Variants in LRRC4C observed in about 807,000 individuals in gnomAD.
LRRC4C encodes the protein leucine rich repeat containing 4C, also known as leucine-rich repeat-containing protein 4C.
LRRC4C carries 5 observed loss-of-function variants against 33.6 expected under a neutral mutation model. The ratio of observed to expected loss-of-function variants is 0.15; its 90% CI spans 0.08 to 0.31. LRRC4C has a LOEUF of 0.31. Among genes scored for constraint, LRRC4C ranks in the 10% least tolerant of loss-of-function variants. LRRC4C has a pLI of 1.00. For missense variants in LRRC4C, 560 were observed against 796.7 expected (o/e 0.70, Z 3.58); for synonymous variants, 329 against 302.0 (o/e 1.09, Z -0.93).
chr11:41,053,356 A>G (rs569107546), intron 1 of LRRC4C, among the ~76,000 whole-genome samples: 12 of 152,342 alleles, frequency 7.9e-5, no homozygotes, highest in African/African-American at 2.9e-4. Flanking sequence ...GCTGGCTAAC[A>G]GCAAGAAACT....
chr11:41,206,152 A>C (rs1302691931), intron 1 of LRRC4C, among the ~76,000 whole-genome samples: 2 of 152,208 alleles, frequency 1.3e-5, no homozygotes, highest in Non-Finnish European at 2.9e-5. Context: ...GAACAAGGAA[A>C]CATTTCTAAA....
At chr11:40,708,452 G>A (rs1194228936) in intron 2 of LRRC4C, among the ~76,000 whole-genome samples, 1 of 152,106 alleles carries the variant, frequency 6.6e-6, no homozygotes, top group African/African-American at 2.4e-5. Context: ...CTTTATTTCT[G>A]CCTTCATTTT....
chr11:40,415,505 A>G (rs1165118149), intron 3 of LRRC4C, among the ~76,000 whole-genome samples: 2 of 152,186 alleles, frequency 1.3e-5, no homozygotes, highest in East Asian at 1.9e-4. Flanking sequence ...CAGTGAGACT[A>G]AAAATGAGTT....
At chr11:40,853,157 C>A (rs939224919) in intron 2 of LRRC4C, among the ~76,000 whole-genome samples, 36 of 151,932 alleles carry the variant, frequency 2.4e-4, no homozygotes, top group Admixed American at 9.8e-4. Flanking sequence ...GTAAACTAAC[C>A]TATGCTGCTT....
At chr11:40,174,529 C>G (rs550341115) in intron 5 of LRRC4C, among the ~76,000 whole-genome samples, 12 of 152,300 alleles carry the variant, frequency 7.9e-5, no homozygotes, top group African/African-American at 2.6e-4. Context: ...GCAGTATTGT[C>G]TCAGTACCGT....
chr11:40,796,776 A>G (rs1375343643), intron 2 of LRRC4C, among the ~76,000 whole-genome samples: 1 of 151,384 alleles, frequency 6.6e-6, no homozygotes, highest in East Asian at 1.9e-4. Context: ...CCACATGAGT[A>G]ACTGGGATTA....
intron 1 of LRRC4C, among the ~76,000 whole-genome samples, chr11:41,057,180 C>T (rs1045584608): frequency 9.9e-5 from 15 of 152,210 alleles, no homozygotes; most frequent in Non-Finnish European, 2.1e-4. Flanking sequence ...CGCTGCTTGG[C>T]TTCTCCCTGC....
chr11:40,861,608 A>G (rs1000479387), intron 2 of LRRC4C, among the ~76,000 whole-genome samples: 11 of 152,168 alleles, frequency 7.2e-5, no homozygotes, highest in Non-Finnish European at 1.2e-4. Flanking sequence ...TCAACAAGGG[A>G]AGCCATGAGA....
At chr11:40,280,154 A>T (rs927887143) in intron 4 of LRRC4C, among the ~76,000 whole-genome samples, 1 of 152,212 alleles carries the variant, frequency 6.6e-6, no homozygotes, top group Non-Finnish European at 1.5e-5. Flanking sequence ...CCTCTCAATA[A>T]ACACCTAGGG....
At chr11:40,624,327 T>G (rs1962735323) in intron 3 of LRRC4C, among the ~76,000 whole-genome samples, 1 of 152,144 alleles carries the variant, frequency 6.6e-6, no homozygotes, top group South Asian at 2.1e-4. Flanking sequence ...CTTTAGCTCA[T>G]TTTGTCCCCC....
At chr11:40,441,622 T>C (rs1002167082) in intron 3 of LRRC4C, among the ~76,000 whole-genome samples, 13 of 152,226 alleles carry the variant, frequency 8.5e-5, no homozygotes, top group Non-Finnish European at 4.4e-5. Flanking sequence ...CATGTTAGAA[T>C]GGAACATGAA....
chr11:40,422,101 TAAAG>T (rs934960524), intron 3 of LRRC4C, among the ~76,000 whole-genome samples: 1 of 152,196 alleles, frequency 6.6e-6, no homozygotes, highest in Non-Finnish European at 1.5e-5. Flanking sequence ...TAAAAATATA[TAAAG>T]AGTTTAGTTC....
intron 1 of LRRC4C, among the ~76,000 whole-genome samples, chr11:41,338,535 G>T (rs957257265): frequency 6.6e-6 from 1 of 151,992 alleles, no homozygotes; most frequent in African/African-American, 2.4e-5. Flanking sequence ...ACACACTGGG[G>T]CCTGTCGGGA....
At chr11:40,340,254 C>G (rs561647286) in intron 3 of LRRC4C, among the ~76,000 whole-genome samples, 3 of 152,156 alleles carry the variant, frequency 2.0e-5, no homozygotes, top group Non-Finnish European at 4.4e-5. Flanking sequence ...TCTGATTTCT[C>G]TTTTTTTCAC....
intron 2 of LRRC4C, among the ~76,000 whole-genome samples, chr11:40,832,680 A>C (rs565076454): frequency 6.6e-6 from 1 of 152,290 alleles, no homozygotes; most frequent in African/African-American, 2.4e-5. Flanking sequence ...ACTTTGAAAA[A>C]AATCTTCATG....
Position 40,714,184 on chromosome 11 carries a change from T to G in LRRC4C, c.-406-65906A>C, listed in dbSNP as rs145607731. ...CTACAGTCAAGCATCAAGATGACTG[T>G]ACCCTGGCAACACCTTCATTTCAAC... On this transcript the variant is annotated intron_variant, in intron 2 of 6. Transcript: ENST00000528697. Among the ~76,000 whole-genome samples the G allele has an allele frequency of 8.6e-4, 131 of 152,280 alleles. 1 individual carries two copies. The highest frequency in any genetic ancestry group is 2.0e-3 in the Admixed American group (30 of 15,282).
chr11:40,825,024 A>G (rs533171801), intron 2 of LRRC4C, among the ~76,000 whole-genome samples: 1 of 151,978 alleles, frequency 6.6e-6, no homozygotes. Context: ...AAGGGAACTG[A>G]TGTTTATCAG....
chr11:40,317,877 T>G (rs1400383807), intron 4 of LRRC4C, among the ~76,000 whole-genome samples: 1 of 152,092 alleles, frequency 6.6e-6, no homozygotes, highest in Admixed American at 6.6e-5. Context: ...AAGTCCATAT[T>G]CTCTGCAGCA....
At chr11:40,499,132 C>T (rs1236969638) in intron 3 of LRRC4C, among the ~76,000 whole-genome samples, 1 of 152,152 alleles carries the variant, frequency 6.6e-6, no homozygotes, top group Non-Finnish European at 1.5e-5. Flanking sequence ...GAGAGCCTCC[C>T]TGCTGGAGAG....
Sources: gnomAD v4.1 joint callset for allele counts (sites outside exome capture counted in the v4.1 genomes callset) on GRCh38, gnomAD v4.1.1 for gene constraint, MANE v1.5 for transcripts, NCBI Gene and HGNC (gene_info 2026-07-23, HGNC 2026-07-21) for gene names.